Variants in TENM2 observed in about 807,000 individuals in gnomAD.
TENM2 encodes the protein teneurin-2.
In TENM2, 52 loss-of-function variants were observed where a neutral mutation model predicts 245.2. The ratio of observed to expected loss-of-function variants is 0.21; its 90% CI spans 0.17 to 0.27. TENM2 has a LOEUF of 0.27. TENM2 is among the 10% of genes least tolerant of loss of function. The pLI, the probability that TENM2 is intolerant of heterozygous loss-of-function variation, is 1.00. For synonymous variants in TENM2, 1,363 were observed against 1,438.9 expected (o/e 0.95, Z 1.19); for missense variants, 3,046 against 3,666.8 (o/e 0.83, Z 4.37).
At chr5:167,902,580 A>G (rs1291723373) in intron 3 of TENM2, among the ~76,000 whole-genome samples, 1 of 152,168 alleles carries the variant, frequency 6.6e-6, no homozygotes, top group Non-Finnish European at 1.5e-5. Flanking sequence ...TTACCTCCTC[A>G]GGAGGAAAAC....
chr5:167,762,599 T>C (rs1203440738), intron 2 of TENM2, among the ~76,000 whole-genome samples: 1 of 152,218 alleles, frequency 6.6e-6, no homozygotes, highest in Non-Finnish European at 1.5e-5. Flanking sequence ...TCTCCTGGTA[T>C]TGATCTCTGC....
the TENM2 span, among the ~76,000 whole-genome samples, chr5:167,030,190 T>C: frequency 6.6e-6 from 1 of 152,216 alleles, no homozygotes; most frequent in African/African-American, 2.4e-5. Context: ...ACTTCTTCAC[T>C]GACCACCTTC....
intron 2 of TENM2, among the ~76,000 whole-genome samples, chr5:167,402,726 C>T (rs776263355): frequency 6.6e-6 from 1 of 152,032 alleles, no homozygotes. Flanking sequence ...AATAGCCATT[C>T]GTATTTTTAA....
At chr5:167,063,764 A>T in the TENM2 span, among the ~76,000 whole-genome samples, 1 of 152,160 alleles carries the variant, frequency 6.6e-6, no homozygotes, top group Non-Finnish European at 1.5e-5. Context: ...GCAAAATCTG[A>T]CCATCTGAAC....
chr5:168,056,161 C>G (rs935992781), intron 6 of TENM2, among the ~76,000 whole-genome samples: 3 of 152,128 alleles, frequency 2.0e-5, no homozygotes, highest in Non-Finnish European at 4.4e-5. Context: ...TTCTTTTTGA[C>G]CTTAGAGAAC....
intron 1 of TENM2, among the ~76,000 whole-genome samples, chr5:167,300,157 T>C (rs1208917714): frequency 1.3e-5 from 2 of 151,960 alleles, no homozygotes; most frequent in African/African-American, 2.4e-5. Flanking sequence ...TTGTAAGGGA[T>C]TGAGGTTTGG....
At chr5:167,226,407 A>G in the TENM2 span, among the ~76,000 whole-genome samples, 2 of 151,998 alleles carry the variant, frequency 1.3e-5, no homozygotes, top group Admixed American at 6.6e-5. Flanking sequence ...TTGACCAAAC[A>G]GTTATTCAGG....
At chr5:167,448,631 A>T (rs577207602) in intron 2 of TENM2, among the ~76,000 whole-genome samples, 1 of 151,596 alleles carries the variant, frequency 6.6e-6, no homozygotes, top group Non-Finnish European at 1.5e-5. Context: ...CTGTCAGCCA[A>T]CACATAGCAC....
chr5:167,038,585 A>T, the TENM2 span, among the ~76,000 whole-genome samples: 1 of 152,148 alleles, frequency 6.6e-6, no homozygotes, highest in African/African-American at 2.4e-5. Flanking sequence ...GACTTTTCTT[A>T]TCTGAGAATG....
chr5:167,607,568 A>G (rs1032812473), intron 2 of TENM2, among the ~76,000 whole-genome samples: 4 of 152,168 alleles, frequency 2.6e-5, no homozygotes, highest in African/African-American at 7.2e-5. Context: ...CTCACCCATC[A>G]ACTAAGGCAT....
intron 5 of TENM2, among the ~76,000 whole-genome samples, chr5:168,004,984 G>C (rs1784711556): frequency 6.6e-6 from 1 of 152,128 alleles, no homozygotes; most frequent in African/African-American, 2.4e-5. Flanking sequence ...TCTTTGGGTG[G>C]AAGGTTGTTG....
intron 2 of TENM2, among the ~76,000 whole-genome samples, chr5:167,818,552 C>T (rs1767249165): frequency 2.0e-5 from 3 of 152,026 alleles, no homozygotes; most frequent in African/African-American, 7.2e-5. Flanking sequence ...AACTGAGTCT[C>T]AAGGAGGATG....
chr5:167,632,369 G>A (rs990704093), intron 2 of TENM2, among the ~76,000 whole-genome samples: 9 of 152,296 alleles, frequency 5.9e-5, no homozygotes, highest in African/African-American at 2.2e-4. Context: ...GAATAAATTA[G>A]TCTATTACAA....
chr5:167,084,364 T>TATATATATATATATATAC, the TENM2 span, among the ~76,000 whole-genome samples: 3 of 111,152 alleles, frequency 2.7e-5, no homozygotes, highest in Non-Finnish European at 6.0e-5. Flanking sequence ...TATATATATA[T>TATATATATATATATATAC]ATACAGATCA....
chr5:167,610,687 T>G (rs998173640), intron 2 of TENM2, among the ~76,000 whole-genome samples: 10 of 152,186 alleles, frequency 6.6e-5, no homozygotes, highest in Non-Finnish European at 1.3e-4. Context: ...AATAAAAAAC[T>G]TGTTAAATGT....
At chr5:168,140,186 A>C (rs1343936511) in intron 12 of TENM2, among the ~76,000 whole-genome samples, 1 of 152,192 alleles carries the variant, frequency 6.6e-6, no homozygotes, top group Non-Finnish European at 1.5e-5. Flanking sequence ...TTGCATGGTG[A>C]ATTTTCTCCA....
At chr5:168,038,491 C>T (rs1472943247) in intron 5 of TENM2, among the ~76,000 whole-genome samples, 1 of 152,138 alleles carries the variant, frequency 6.6e-6, no homozygotes, top group Admixed American at 6.5e-5. Flanking sequence ...CTCCTTCCTC[C>T]GTAAAATGGG....
chr5:167,202,342 C>A, the TENM2 span, among the ~76,000 whole-genome samples: 1 of 152,094 alleles, frequency 6.6e-6, no homozygotes, highest in African/African-American at 2.4e-5. Context: ...CCTACTGCCC[C>A]TCTCCAGACA....
the TENM2 span, among the ~76,000 whole-genome samples, chr5:167,141,550 C>G: frequency 1.3e-5 from 2 of 152,078 alleles, no homozygotes; most frequent in Admixed American, 6.5e-5. Flanking sequence ...CTGGTACAGA[C>G]ATATAGATTG....
Sources: gnomAD v4.1 joint callset for allele counts (sites outside exome capture counted in the v4.1 genomes callset) on GRCh38, gnomAD v4.1.1 for gene constraint, MANE v1.5 for transcripts, NCBI Gene and HGNC (gene_info 2026-07-23, HGNC 2026-07-21) for gene names.